The following ANKS1B variants were observed in gnomAD, a reference collection of about 807,000 sequenced individuals.
ANKS1B encodes ankyrin repeat and sterile alpha motif domain-containing protein 1B.
A neutral mutation model predicts 148.3 loss-of-function variants in ANKS1B; 36 were observed. The observed-to-expected ratio is 0.24, with a 90% confidence interval of 0.19 to 0.32. ANKS1B has a LOEUF of 0.32. Among genes scored for constraint, ANKS1B ranks in the 10% least tolerant of loss-of-function variants. The probability of loss-of-function intolerance (pLI) is 1.00; values close to 1 mark genes in which losing one functional copy is unlikely to be tolerated. For synonymous variants in ANKS1B, 542 were observed against 560.8 expected (o/e 0.97, Z 0.47); for missense variants, 1,157 against 1,542.6 (o/e 0.75, Z 4.19).
intron 14 of ANKS1B, among the ~76,000 whole-genome samples, chr12:99,239,899 C>A (rs1226879366): frequency 6.6e-6 from 1 of 152,184 alleles, no homozygotes; most frequent in South Asian, 2.1e-4. Flanking sequence ...GCCTACCTTA[C>A]AAGAGCTCCT....
chr12:98,895,075 C>A, intron 17 of ANKS1B: 7 of 968,608 alleles, frequency 7.2e-6, no homozygotes, highest in Non-Finnish European at 8.6e-6. Context: ...CGGCTGCTGC[C>A]CGGGGTGGGC....
intron 17 of ANKS1B, among the ~76,000 whole-genome samples, chr12:98,887,762 C>T (rs1819498947): frequency 6.6e-6 from 1 of 152,198 alleles, no homozygotes; most frequent in Non-Finnish European, 1.5e-5. Context: ...TGTGTGCCAC[C>T]ACACTCAGCT....
chr12:99,068,703 C>CAG (rs10554812), intron 16 of ANKS1B, among the ~76,000 whole-genome samples: 3,403 of 144,546 alleles, frequency 0.024, 128 homozygotes, highest in African/African-American at 0.079. Flanking sequence ...GGGTGGGGGG[C>CAG]AGAGAGAGAG....
chr12:99,069,265 C>A (rs2045548678), intron 16 of ANKS1B, among the ~76,000 whole-genome samples: 1 of 152,182 alleles, frequency 6.6e-6, no homozygotes. Context: ...ATGTCTACAT[C>A]ACGTGGCACT....
At chr12:99,677,352 T>A (rs1013655797) in intron 8 of ANKS1B, among the ~76,000 whole-genome samples, 2 of 152,088 alleles carry the variant, frequency 1.3e-5, no homozygotes, top group African/African-American at 4.8e-5. Flanking sequence ...ATTTTTTTGT[T>A]TTTTTTCCTT....
intron 1 of ANKS1B, among the ~76,000 whole-genome samples, chr12:99,960,124 G>A (rs1015906965): frequency 6.6e-6 from 1 of 152,126 alleles, no homozygotes; most frequent in African/African-American, 2.4e-5. Context: ...AGAATATAGA[G>A]AATTATTTTA....
At chr12:99,755,029 CA>C (rs143866657) in intron 8 of ANKS1B, among the ~76,000 whole-genome samples, 1 of 148,666 alleles carries the variant, frequency 6.7e-6, no homozygotes, top group Non-Finnish European at 1.5e-5. Flanking sequence ...TGAGACACGA[CA>C]AAAAAAATCC....
rs1440062044 is a variant in ANKS1B at position 98,772,344 on chromosome 12, G to C, written c.3579+698C>G. Among the ~76,000 whole-genome samples, 3 of 152,182 alleles carry C rather than the reference G, an allele frequency of 2.0e-5. 1 individual carries two copies. The highest frequency in any genetic ancestry group is 2.0e-4 in the Admixed American group (3 of 15,282). Reference sequence around the variant, plus strand: ...AGGAAATTTGGACCCAGACATCTAAGCACAGAGGAAAGGCGATGTGAGGAC... The same window carrying C: ...AGGAAATTTGGACCCAGACATCTAACCACAGAGGAAAGGCGATGTGAGGAC... On this transcript the variant is annotated intron_variant, in intron 25 of 26. Transcript: ENST00000683438.
intron 9 of ANKS1B, among the ~76,000 whole-genome samples, chr12:99,521,949 C>A (rs1312862661): frequency 6.6e-6 from 1 of 152,234 alleles, no homozygotes; most frequent in Non-Finnish European, 1.5e-5. Flanking sequence ...CCAGCCAGGT[C>A]TGTGTCCTTC....
chr12:99,716,041 C>T (rs918927708), intron 8 of ANKS1B, among the ~76,000 whole-genome samples: 1 of 152,064 alleles, frequency 6.6e-6, no homozygotes, highest in African/African-American at 2.4e-5. Context: ...GGTCCTTCAC[C>T]CTTAGCAGCA....
At chr12:99,720,785 T>C (rs1229535908) in intron 8 of ANKS1B, among the ~76,000 whole-genome samples, 1 of 152,198 alleles carries the variant, frequency 6.6e-6, no homozygotes, top group African/African-American at 2.4e-5. Context: ...ATCTTCTGTC[T>C]AGTCATACTC....
At chr12:99,479,096 A>C (rs1440516017) in intron 10 of ANKS1B, among the ~76,000 whole-genome samples, 1 of 152,058 alleles carries the variant, frequency 6.6e-6, no homozygotes, top group Non-Finnish European at 1.5e-5. Context: ...CAGACAGTAA[A>C]CTTTAATTGA....
At chr12:99,593,157 A>AC (rs2097720777) in intron 9 of ANKS1B, among the ~76,000 whole-genome samples, 1 of 151,924 alleles carries the variant, frequency 6.6e-6, no homozygotes, top group Admixed American at 6.6e-5. Flanking sequence ...CCATCCCTCA[A>AC]CCCCCATCAT....
chr12:99,415,841 G>A (rs2094886176), intron 11 of ANKS1B, among the ~76,000 whole-genome samples: 2 of 152,066 alleles, frequency 1.3e-5, no homozygotes, highest in Admixed American at 6.5e-5. Context: ...CCGCCACCAC[G>A]CCCGGCTAAT....
intron 17 of ANKS1B, among the ~76,000 whole-genome samples, chr12:98,883,488 C>G (rs924990542): frequency 1.3e-5 from 2 of 152,152 alleles, no homozygotes; most frequent in African/African-American, 4.8e-5. Flanking sequence ...CAGAGCTGTG[C>G]TTGATGAAGG....
chr12:99,499,306 G>A (rs1216926030), intron 10 of ANKS1B, among the ~76,000 whole-genome samples: 3 of 152,034 alleles, frequency 2.0e-5, no homozygotes, highest in Non-Finnish European at 4.4e-5. Context: ...TTAAGCCTGG[G>A]TCAACTGAGC....
chr12:99,529,393 C>G (rs2096964365), intron 9 of ANKS1B, among the ~76,000 whole-genome samples: 2 of 152,318 alleles, frequency 1.3e-5, no homozygotes, highest in South Asian at 4.1e-4. Context: ...TAGCTCACAC[C>G]TGTAATCCCA....
At chr12:99,065,638 C>CCATCCATCCATCCCAT (rs1379959845) in intron 16 of ANKS1B, among the ~76,000 whole-genome samples, 1 of 41,894 alleles carries the variant, frequency 2.4e-5, no homozygotes, top group African/African-American at 5.1e-5. Context: ...ATCCATCCAT[C>CCATCCATCCATCCCAT]CCATCCATCC....
At chr12:98,825,275 T>G (rs888450027) in intron 19 of ANKS1B, among the ~76,000 whole-genome samples, 1 of 152,154 alleles carries the variant, frequency 6.6e-6, no homozygotes, top group Non-Finnish European at 1.5e-5. Context: ...CAACAAACCT[T>G]GGAAGAACTA....
Sources: allele counts gnomAD v4.1 joint callset (sites outside exome capture counted in the v4.1 genomes callset), GRCh38; gene constraint gnomAD v4.1.1; transcripts MANE v1.5; gene names NCBI Gene and HGNC (gene_info 2026-07-23, HGNC 2026-07-21).